The following TGFBR1 variants were observed in gnomAD, a reference collection of about 807,000 sequenced individuals.
TGFBR1 encodes the protein TGF-beta receptor type-1.
TGFBR1 carries 20 observed loss-of-function variants against 55.1 expected under a neutral mutation model. The ratio of observed to expected loss-of-function variants is 0.36; its 90% CI spans 0.26 to 0.53. The LOEUF is 0.53. Ranked by LOEUF, TGFBR1 falls within the 20% of genes least tolerant of loss-of-function variation. TGFBR1 has a pLI of 0.91. For missense variants in TGFBR1, 385 were observed against 617.6 expected, an observed-to-expected ratio of 0.62 and a Z score of 3.99; for synonymous variants, 220 against 214.8, an observed-to-expected ratio of 1.02 and a Z score of -0.21.
At chr9:99,132,991 G>A (rs559349685) in intron 3 of TGFBR1, among the ~76,000 whole-genome samples, 14 of 152,282 alleles carry the variant, frequency 9.2e-5, no homozygotes, top group East Asian at 1.9e-4. Flanking sequence ...ATTTCAAAGC[G>A]TTCTCACTTG....
chr9:99,136,008 C>T (rs2118683618), intron 3 of TGFBR1, among the ~76,000 whole-genome samples: 1 of 152,112 alleles, frequency 6.6e-6, no homozygotes, highest in South Asian at 2.1e-4. Context: ...GTGTGCACCA[C>T]CATGCCCAGC....
At chr9:99,105,533 C>T (rs543890383) in intron 1 of TGFBR1, among the ~76,000 whole-genome samples, 2 of 150,944 alleles carry the variant, frequency 1.3e-5, no homozygotes, top group African/African-American at 2.4e-5. Context: ...CGGACGTGTC[C>T]GGCTGCCCGA....
intron 3 of TGFBR1, among the ~76,000 whole-genome samples, chr9:99,133,211 A>G (rs1302657264): frequency 6.6e-6 from 1 of 152,270 alleles, no homozygotes; most frequent in Non-Finnish European, 1.5e-5. Context: ...TTTAAACATT[A>G]TATGAAATTG....
At chr9:99,125,427 A>G (rs894037022) in intron 1 of TGFBR1, among the ~76,000 whole-genome samples, 2 of 152,264 alleles carry the variant, frequency 1.3e-5, no homozygotes, top group Admixed American at 6.5e-5. Context: ...TTGCATACCT[A>G]CAATTATATT....
intron 4 of TGFBR1, 62 bp downstream of exon 4, chr9:99,138,151 T>G: frequency 7.1e-7 from 1 of 1,416,000 alleles, no homozygotes; most frequent in Non-Finnish European, 1.0e-6. Context: ...TCTTTACAGA[T>G]ATGGTGACTA....
chr9:99,126,907 A>G (rs906981682), intron 1 of TGFBR1, among the ~76,000 whole-genome samples: 2 of 152,224 alleles, frequency 1.3e-5, no homozygotes, highest in Non-Finnish European at 2.9e-5. Flanking sequence ...GATTAAGGTA[A>G]AACTTTACTG....
chr9:99,124,322 A>T (rs918772427), intron 1 of TGFBR1, among the ~76,000 whole-genome samples: 1 of 152,124 alleles, frequency 6.6e-6, no homozygotes, highest in Non-Finnish European at 1.5e-5. Context: ...TCTGCACCTC[A>T]TAGCCCACAC....
At chr9:99,137,317 T>A (rs376341335) in intron 3 of TGFBR1, among the ~76,000 whole-genome samples, 1 of 152,244 alleles carries the variant, frequency 6.6e-6, no homozygotes, top group South Asian at 2.1e-4. Context: ...ACGAGATTCA[T>A]CTTTCTAAAA....
At chr9:99,110,506 G>A (rs956765881) in intron 1 of TGFBR1, among the ~76,000 whole-genome samples, 2 of 152,162 alleles carry the variant, frequency 1.3e-5, no homozygotes, top group African/African-American at 2.4e-5. Flanking sequence ...GGTGACCAGT[G>A]CTCAGAAGAT....
chr9:99,144,647 G>A, intron 5 of TGFBR1, 85 bp from the exon 6 acceptor site: 1 of 1,524,416 alleles, frequency 6.6e-7, no homozygotes, highest in African/African-American at 1.4e-5. Flanking sequence ...AATTTGGGTT[G>A]GGAGAAGAGA....
Position 99,129,108 on chromosome 9 carries a change from G to A in TGFBR1, c.343+8G>A, listed in dbSNP as rs2118576911. 1.9e-6 allele frequency: 3 copies of A among 1,613,568 alleles called. No homozygotes were observed. The South Asian group carries it at 3.3e-5, about 18-fold the overall frequency. Reference sequence around the variant, plus strand: ...TAGAACTTCCAACTACTGGTAAGTTGTATAAAATTTTTTTCCTAGATACTA... The same window carrying A: ...TAGAACTTCCAACTACTGGTAAGTTATATAAAATTTTTTTCCTAGATACTA... On this transcript the variant is annotated splice_region_variant and intron_variant, in intron 2 of 8. Coordinates refer to ENST00000374994, the MANE Select transcript of TGFBR1 (RefSeq NM_004612.4).
intron 3 of TGFBR1, among the ~76,000 whole-genome samples, chr9:99,133,895 T>C (rs1260081306): frequency 6.6e-6 from 1 of 151,478 alleles, no homozygotes; most frequent in Non-Finnish European, 1.5e-5. Flanking sequence ...TCCCAGCTAC[T>C]CGGGAGGCCG....
chr9:99,108,016 G>A (rs1422812527), intron 1 of TGFBR1, among the ~76,000 whole-genome samples: 1 of 152,142 alleles, frequency 6.6e-6, no homozygotes, highest in Admixed American at 6.5e-5. Context: ...ACTTGAATGC[G>A]TTATAGGTAC....
At chr9:99,105,377 T>C (rs905776495) in intron 1 of TGFBR1, 75 bp downstream of exon 1, 1 of 970,248 alleles carries the variant, frequency 1.0e-6, no homozygotes, top group Non-Finnish European at 1.2e-6. Context: ...CTCCTGCTCT[T>C]TCTCAAACAT....
intron 5 of TGFBR1, 98 bp from the exon 6 acceptor site, chr9:99,144,634 G>C: frequency 7.0e-7 from 1 of 1,425,226 alleles, no homozygotes; most frequent in Non-Finnish European, 9.8e-7. Flanking sequence ...GAAATGCTTT[G>C]ATAATTTGGG....
At chr9:99,109,196 T>C (rs1168290323) in intron 1 of TGFBR1, among the ~76,000 whole-genome samples, 5 of 152,168 alleles carry the variant, frequency 3.3e-5, no homozygotes, top group Admixed American at 1.3e-4. Context: ...GGGGGAATGA[T>C]TAAAGCCTTA....
intron 1 of TGFBR1, among the ~76,000 whole-genome samples, chr9:99,119,811 A>C (rs1009030139): frequency 6.6e-6 from 1 of 152,200 alleles, no homozygotes; most frequent in African/African-American, 2.4e-5. Context: ...AACTGTATGA[A>C]TATTTATGAA....
At chr9:99,134,678 G>A (rs1395800741) in intron 3 of TGFBR1, among the ~76,000 whole-genome samples, 1 of 151,328 alleles carries the variant, frequency 6.6e-6, no homozygotes, top group Non-Finnish European at 1.5e-5. Flanking sequence ...TGCCACAGTG[G>A]AATAAGCCCA....
Position 99,132,545 on chromosome 9 carries a change from C to T in TGFBR1, c.380C>T (p.Ala127Val). 1 of 1,614,140 alleles carries T rather than the reference C, an allele frequency of 6.2e-7. No individual in the cohort carries two copies. Among genetic ancestry groups the T allele is most frequent in the Non-Finnish European group, 8.5e-7 (1 of 1,180,016 alleles). ...SSPGLGPVEL[A>V]AVIAGPVCFV... ...CCTGGCCTTGGTCCTGTGGAACTGGCAGCTGTCATTGCTGGACCAGTGTGC... is the reference window on the plus strand; with the variant it reads ...CCTGGCCTTGGTCCTGTGGAACTGGTAGCTGTCATTGCTGGACCAGTGTGC... The change falls in exon 3 of 9, where the codon GCA becomes GTA. Residue 127 changes from alanine to valine, a missense_variant. By Grantham distance (64) the Ala-to-Val change is moderately conservative (BLOSUM62 0). This residue lies in a region of TGFBR1 where 146 missense variants were observed against 167.7 expected (regional missense o/e 0.87). Coordinates refer to ENST00000374994, the MANE Select transcript of TGFBR1 (RefSeq NM_004612.4).
Sources: gnomAD v4.1 joint callset for allele counts (sites outside exome capture counted in the v4.1 genomes callset) on GRCh38, gnomAD v4.1.1 for gene constraint, gnomAD v4.1.1 regional missense constraint, MANE v1.5 for transcripts, NCBI Gene and HGNC (gene_info 2026-07-23, HGNC 2026-07-21) for gene names.